The following NAA25 variants were observed in gnomAD, a reference collection of about 807,000 sequenced individuals.
The protein encoded by NAA25 is N-terminal acetyltransferase B complex subunit NAA25.
In NAA25, 30 loss-of-function variants were observed where a neutral mutation model predicts 132.5. The observed-to-expected ratio is 0.23, with a 90% CI of 0.17 to 0.31. The LOEUF (loss-of-function observed/expected upper bound fraction) is 0.31, where lower values mean the gene tolerates loss of function less well. Among genes scored for constraint, NAA25 ranks in the 10% least tolerant of loss-of-function variants. The pLI, the probability that NAA25 is intolerant of heterozygous loss-of-function variation, is 1.00. For missense variants in NAA25, 771 were observed against 1,150.4 expected (o/e 0.67, Z 4.77); for synonymous variants, 359 against 401.9 (o/e 0.89, Z 1.28).
chr12:112,088,840 G>A (rs1474548827), intron 3 of NAA25, among the ~76,000 whole-genome samples: 1 of 151,818 alleles, frequency 6.6e-6, no homozygotes, highest in African/African-American at 2.4e-5. Flanking sequence ...GGCTAGTCTC[G>A]AACTCCCGAC....
At chr12:112,071,323 GT>G (rs1036809993) in intron 10 of NAA25, among the ~76,000 whole-genome samples, 1 of 151,716 alleles carries the variant, frequency 6.6e-6, no homozygotes, top group African/African-American at 2.4e-5. Context: ...ACCCAGCCAG[GT>G]TTTTTTATTT....
intron 4 of NAA25, among the ~76,000 whole-genome samples, chr12:112,086,082 A>ACACACACT (rs2079050692): frequency 7.7e-6 from 1 of 129,946 alleles, no homozygotes; most frequent in Non-Finnish European, 1.6e-5. Context: ...ATACACACAC[A>ACACACACT]CACACACACA....
chr12:112,086,836 AC>A (rs1182113801), intron 4 of NAA25, among the ~76,000 whole-genome samples: 2 of 151,888 alleles, frequency 1.3e-5, no homozygotes, highest in Non-Finnish European at 1.5e-5. Flanking sequence ...ACATGGAGAA[AC>A]CCTGTCTCTA....
chr12:112,074,639 A>AAGTGCTGTTATAATTCAGGAAAGAAG (rs2078868825), intron 9 of NAA25, 36 bp downstream of exon 9: 3 of 1,312,016 alleles, frequency 2.3e-6, no homozygotes, highest in Non-Finnish European at 3.2e-6. Flanking sequence ...CTATATTAAA[A>AAGTGCTGTTATAATTCAGGAAAGAAG]AGTGCTGTTA....
chr12:112,074,520 G>A (rs565121593), intron 9 of NAA25, among the ~76,000 whole-genome samples, 155 bp downstream of exon 9: 2 of 152,110 alleles, frequency 1.3e-5, no homozygotes, highest in East Asian at 1.9e-4. Flanking sequence ...ATGAACTTGT[G>A]TATTTTATAC....
At chr12:112,059,830 C>T (rs547639252) in intron 13 of NAA25, among the ~76,000 whole-genome samples, 6 of 142,946 alleles carry the variant, frequency 4.2e-5, no homozygotes, top group South Asian at 2.2e-4. Context: ...TTTTTTGAGA[C>T]GGAGTCTTGC....
chr12:112,072,321 T>C (rs1315224797), intron 9 of NAA25, among the ~76,000 whole-genome samples: 1 of 152,060 alleles, frequency 6.6e-6, no homozygotes, highest in African/African-American at 2.4e-5. Context: ...TATGAAATAC[T>C]GCCTGGCTGG....
At chr12:112,061,874 T>C (rs1371454588) in intron 11 of NAA25, among the ~76,000 whole-genome samples, 2 of 152,224 alleles carry the variant, frequency 1.3e-5, no homozygotes, top group Non-Finnish European at 2.9e-5. Flanking sequence ...TTTTTCTTAA[T>C]TGAACTTATA....
At chr12:112,108,540 G>C (rs1851918323) in intron 1 of NAA25, among the ~76,000 whole-genome samples, 176 bp downstream of exon 1, 1 of 151,834 alleles carries the variant, frequency 6.6e-6, no homozygotes, top group Non-Finnish European at 1.5e-5. Flanking sequence ...GGCTGAGGAA[G>C]GTTGGGCCGG....
rs1237347081 is a variant in NAA25, at chr12:112,084,380, T to C, written c.403-3246A>G. Among the ~76,000 whole-genome samples, 3 of 152,218 alleles carry C rather than the reference T, an allele frequency of 2.0e-5. No individual in the cohort carries two copies. In the East Asian group the frequency reaches 5.8e-4, roughly 29 times the overall value. ...CAAAAACCTTCATCCATATGAAACA[T>C]GACATTAAATGTGTGAAATACCTAT... On this transcript the variant is annotated intron_variant, in intron 4 of 23. Coordinates refer to ENST00000261745, the MANE Select transcript of NAA25 (RefSeq NM_024953.4).
At chr12:112,081,174 T>C (rs756589383) in intron 4 of NAA25, 40 bp from the exon 5 acceptor site, 33 of 1,511,694 alleles carry the variant, frequency 2.2e-5, no homozygotes, top group Non-Finnish European at 2.9e-5. Context: ...GAAAACACCA[T>C]ACAGAAGGGG....
At chr12:112,044,526 C>A (rs1363925919) in intron 17 of NAA25, among the ~76,000 whole-genome samples, 1 of 151,422 alleles carries the variant, frequency 6.6e-6, no homozygotes, top group African/African-American at 2.4e-5. Context: ...AAAAATTAGC[C>A]GGGCGTGGTG....
chr12:112,043,588 T>A (rs758424746), intron 18 of NAA25, 37 bp downstream of exon 18: 1 of 1,606,232 alleles, frequency 6.2e-7, no homozygotes, highest in South Asian at 1.1e-5. Context: ...TAAATATAAT[T>A]ATTGCAACTT....
chr12:112,050,652 G>A (rs1442474535), intron 15 of NAA25, among the ~76,000 whole-genome samples: 1 of 151,536 alleles, frequency 6.6e-6, no homozygotes, highest in Non-Finnish European at 1.5e-5. Flanking sequence ...CCAAGTAGCT[G>A]GAATTACAGG....
At chr12:112,094,285 A>T (rs2079182418) in intron 1 of NAA25, among the ~76,000 whole-genome samples, 1 of 151,580 alleles carries the variant, frequency 6.6e-6, no homozygotes, top group Non-Finnish European at 1.5e-5. Flanking sequence ...ACGTCCCTAT[A>T]GTCATCTCTC....
rs1357848887 is a variant in NAA25 at position 112,071,965 on chromosome 12, T to G, written c.966A>C (p.Gly322=). 2.5e-6 allele frequency: 4 copies of G among 1,614,140 alleles called. No homozygotes were observed. In the South Asian group the frequency reaches 4.4e-5, roughly 18 times the overall value. ...TCAGCTCCAATTTAGCTAGATGTGG[T>G]CCTCGGAGATGGCGAGAACTTTTAG... ...EESKSSRHLR[G]PHLAKLELIR... The change falls in exon 10 of 24, where the codon GGA becomes GGC. Residue 322 remains glycine, a synonymous_variant. Coordinates refer to ENST00000261745, the MANE Select transcript of NAA25 (RefSeq NM_024953.4).
At chr12:112,074,608 T>C (rs2078868367) in intron 9 of NAA25, 67 bp downstream of exon 9, 3 of 855,768 alleles carry the variant, frequency 3.5e-6, no homozygotes, top group Admixed American at 2.6e-5. Context: ...AATTGGCTTA[T>C]AATGAAATCC....
chr12:112,072,126 G>T, intron 9 of NAA25, 62 bp from the exon 10 acceptor site: 12 of 1,298,856 alleles, frequency 9.2e-6, no homozygotes, highest in Non-Finnish European at 8.3e-6. Context: ...GAAGCTTAAA[G>T]TCAAGCCAAA....
chr12:112,063,050 AC>A (rs2136865087), intron 11 of NAA25, among the ~76,000 whole-genome samples: 1 of 152,032 alleles, frequency 6.6e-6, no homozygotes, highest in Admixed American at 6.6e-5. Flanking sequence ...ACACAGCCAG[AC>A]CCTGTCTCAA....
Sources: allele counts gnomAD v4.1 joint callset (sites outside exome capture counted in the v4.1 genomes callset), GRCh38; gene constraint gnomAD v4.1.1; transcripts MANE v1.5; gene names NCBI Gene and HGNC (gene_info 2026-07-23, HGNC 2026-07-21).